PGCKA1: variants seen among roughly 807,000 people sequenced by gnomAD.
The protein encoded by PGCKA1 is PDCD10 and GCKIII kinases associated 1, also known as PDCD10 and GCKIII kinases-associated protein 1.
the PGCKA1 span, among the ~76,000 whole-genome samples, chr4:37,532,559 T>A: frequency 1.3e-5 from 2 of 151,138 alleles, no homozygotes; most frequent in Admixed American, 6.7e-5. Context: ...ACATCCTTTA[T>A]TTACAGTAAG....
the PGCKA1 span, among the ~76,000 whole-genome samples, chr4:37,456,124 G>T: frequency 6.6e-6 from 1 of 152,194 alleles, no homozygotes; most frequent in African/African-American, 2.4e-5. Flanking sequence ...GAGAGACTTT[G>T]TAGGTGTGTA....
At chr4:37,496,464 G>A in the PGCKA1 span, among the ~76,000 whole-genome samples, 3 of 152,140 alleles carry the variant, frequency 2.0e-5, no homozygotes, top group African/African-American at 7.2e-5. Flanking sequence ...TGGTCTGTGT[G>A]TCTGCTTTTG....
chr4:37,540,473 G>A, the PGCKA1 span, among the ~76,000 whole-genome samples: 1 of 152,154 alleles, frequency 6.6e-6, no homozygotes, highest in Non-Finnish European at 1.5e-5. Context: ...GAAGTAACTA[G>A]GATTTTTCTT....
chr4:37,559,588 G>A, the PGCKA1 span, among the ~76,000 whole-genome samples: 54 of 151,538 alleles, frequency 3.6e-4, no homozygotes, highest in Non-Finnish European at 6.2e-4. Flanking sequence ...AAAACTTAAA[G>A]TATAATAATA....
the PGCKA1 span, among the ~76,000 whole-genome samples, chr4:37,532,890 G>C: frequency 1.3e-5 from 2 of 151,856 alleles, no homozygotes; most frequent in Non-Finnish European, 2.9e-5. Flanking sequence ...ATGCATTTTT[G>C]TAGTGTGTGT....
chr4:37,492,731 G>C, the PGCKA1 span, among the ~76,000 whole-genome samples: 1 of 152,220 alleles, frequency 6.6e-6, no homozygotes, highest in Non-Finnish European at 1.5e-5. The surrounding 1 kb of genome is among the most constrained non-coding windows in gnomAD (Gnocchi z 4.7). Context: ...TGCTGAGGTA[G>C]AGCAGGTGTA....
chr4:37,572,322 T>C, the PGCKA1 span, among the ~76,000 whole-genome samples: 1 of 152,280 alleles, frequency 6.6e-6, no homozygotes, highest in East Asian at 1.9e-4. Context: ...CGCCTCGGCC[T>C]CCCAAAGTGC....
chr4:37,497,862 C>T, the PGCKA1 span, among the ~76,000 whole-genome samples: 31 of 152,188 alleles, frequency 2.0e-4, no homozygotes, highest in African/African-American at 7.2e-4. Flanking sequence ...TTCCTTTTGC[C>T]ATGCAAAAGC....
chr4:37,578,282 C>A, the PGCKA1 span, among the ~76,000 whole-genome samples: 3 of 152,150 alleles, frequency 2.0e-5, no homozygotes, highest in Non-Finnish European at 4.4e-5. Context: ...TGAATTGAAC[C>A]CTTCATCATT....
At chr4:37,521,201 A>G in the PGCKA1 span, among the ~76,000 whole-genome samples, 13 of 152,270 alleles carry the variant, frequency 8.5e-5, no homozygotes, top group East Asian at 2.3e-3. Flanking sequence ...ACTTACAGCT[A>G]TAAACGTCCC....
chr4:37,533,072 G>T, the PGCKA1 span, among the ~76,000 whole-genome samples: 1 of 152,084 alleles, frequency 6.6e-6, no homozygotes, highest in Admixed American at 6.5e-5. Flanking sequence ...TATGTAACCA[G>T]ATACCACCTG....
the PGCKA1 span, among the ~76,000 whole-genome samples, chr4:37,494,523 C>T: frequency 6.6e-6 from 1 of 152,150 alleles, no homozygotes; most frequent in African/African-American, 2.4e-5. Flanking sequence ...TCCAGTCTGC[C>T]ACTGATGGGC....
At chr4:37,509,408 C>T in the PGCKA1 span, among the ~76,000 whole-genome samples, 5 of 134,542 alleles carry the variant, frequency 3.7e-5, no homozygotes, top group Admixed American at 3.6e-4. Context: ...GACGGGGCGG[C>T]AGGGCAGAGA....
chr4:37,529,211 G>A, the PGCKA1 span, among the ~76,000 whole-genome samples: 1 of 152,036 alleles, frequency 6.6e-6, no homozygotes, highest in Non-Finnish European at 1.5e-5. Flanking sequence ...ATGTTTCTAG[G>A]CTAAATTCTG....
the PGCKA1 span, among the ~76,000 whole-genome samples, chr4:37,467,001 G>T: frequency 0.42 from 63,284 of 151,968 alleles, 13,995 homozygotes; most frequent in Non-Finnish European, 0.49. Flanking sequence ...GGGAGGCCGA[G>T]GCAGGAGAAT....
chr4:37,581,286 C>T, the PGCKA1 span, among the ~76,000 whole-genome samples: 1 of 152,240 alleles, frequency 6.6e-6, no homozygotes, highest in African/African-American at 2.4e-5. This position sits in a 1 kb window ranked among gnomAD's most constrained non-coding sequence, Gnocchi z 4.4. Flanking sequence ...TTACTTTTCC[C>T]TCTGCTTTTC....
the PGCKA1 span, among the ~76,000 whole-genome samples, chr4:37,476,536 C>T: frequency 6.6e-6 from 1 of 152,136 alleles, no homozygotes; most frequent in Non-Finnish European, 1.5e-5. Context: ...GCTGTTGAAA[C>T]AGGATAACAC....
At chr4:37,583,472 T>C in the PGCKA1 span, among the ~76,000 whole-genome samples, 1 of 151,810 alleles carries the variant, frequency 6.6e-6, no homozygotes, top group Non-Finnish European at 1.5e-5. Context: ...AATCTCGCTC[T>C]GTCGCCCAGG....
chr4:37,577,194 C>T, the PGCKA1 span, among the ~76,000 whole-genome samples: 1 of 152,086 alleles, frequency 6.6e-6, no homozygotes, highest in Non-Finnish European at 1.5e-5. Flanking sequence ...TAGAATTCAG[C>T]AGTGAAGCTG....
Sources: allele counts gnomAD v4.1 joint callset (sites outside exome capture counted in the v4.1 genomes callset), GRCh38; gene constraint gnomAD v4.1.1; non-coding constraint Gnocchi (gnomAD v3.1); transcripts MANE v1.5; gene names NCBI Gene and HGNC (gene_info 2026-07-23, HGNC 2026-07-21).